The following LRRTM4 variants were observed in gnomAD, a reference collection of about 807,000 sequenced individuals.
The protein encoded by LRRTM4 is leucine rich repeat transmembrane neuronal 4, also known as leucine-rich repeat transmembrane neuronal protein 4.
LRRTM4 carries 25 observed loss-of-function variants against 47.6 expected under a neutral mutation model. The ratio of observed to expected loss-of-function variants is 0.53; its 90% CI spans 0.38 to 0.73. The LOEUF is 0.73. LRRTM4 is among the 30% of genes least tolerant of loss of function. The pLI, the probability that LRRTM4 is intolerant of heterozygous loss-of-function variation, is 0.00. For synonymous variants in LRRTM4, 311 were observed against 269.5 expected (o/e 1.15, Z -1.51); for missense variants, 638 against 713.4 (o/e 0.89, Z 1.20).
chr2:77,117,827 A>T (rs1247034613), intron 3 of LRRTM4, among the ~76,000 whole-genome samples: 1 of 151,878 alleles, frequency 6.6e-6, no homozygotes. Flanking sequence ...GACCTGCTCT[A>T]GGTGCTGGAG....
At chr2:76,749,003 C>G in intron 3 of LRRTM4, 87 bp from the exon 4 acceptor site, 1 of 1,056,282 alleles carries the variant, frequency 9.5e-7, no homozygotes, top group African/African-American at 1.6e-5. Context: ...TTTTTGTTCT[C>G]TTTCATGCTG....
rs1573410829 is a variant in LRRTM4 at position 77,435,540 on chromosome 2, A to G, written c.1551+82778T>C. Among the ~76,000 whole-genome samples, 3 of 152,238 alleles carry G rather than the reference A, an allele frequency of 2.0e-5. No homozygotes were observed. In the South Asian group the frequency reaches 6.2e-4, roughly 32 times the overall value. ...TGATAACATTAAAAATAAACCCAAC[A>G]TTTGTTTAAAGGTCATGCAAAGTCA... is the stretch of plus-strand genomic sequence containing the variant. On this transcript the variant is annotated intron_variant, in intron 3 of 3. Coordinates refer to ENST00000409884, the MANE Select transcript of LRRTM4 (RefSeq NM_001134745.3).
At chr2:76,778,976 G>A (rs1340885602) in intron 3 of LRRTM4, among the ~76,000 whole-genome samples, 1 of 147,962 alleles carries the variant, frequency 6.8e-6, no homozygotes, top group African/African-American at 2.5e-5. Flanking sequence ...GTTTTCGTTG[G>A]TTTCAAAGAA....
intron 3 of LRRTM4, among the ~76,000 whole-genome samples, chr2:77,075,133 G>A (rs980511017): frequency 2.6e-5 from 4 of 152,100 alleles, no homozygotes; most frequent in Admixed American, 6.5e-5. Flanking sequence ...TAATATGTGA[G>A]CTGTTTCTGC....
intron 3 of LRRTM4, among the ~76,000 whole-genome samples, chr2:77,313,649 T>C (rs558439764): frequency 7.2e-4 from 109 of 152,294 alleles, no homozygotes; most frequent in Non-Finnish European, 1.2e-3. Flanking sequence ...ATAGCACATA[T>C]TATCCCTCTT....
intron 3 of LRRTM4, among the ~76,000 whole-genome samples, chr2:77,234,538 A>G (rs2103976870): frequency 6.6e-6 from 1 of 152,306 alleles, no homozygotes; most frequent in East Asian, 1.9e-4. Context: ...ATTTACAAAT[A>G]TTGTAATTAT....
chr2:76,911,556 T>G (rs1674056478), intron 3 of LRRTM4, among the ~76,000 whole-genome samples: 1 of 152,186 alleles, frequency 6.6e-6, no homozygotes, highest in South Asian at 2.1e-4. Context: ...TATGAATTAC[T>G]GTGTCCTTGA....
chr2:76,871,028 A>T (rs189083062), intron 3 of LRRTM4, among the ~76,000 whole-genome samples: 1 of 152,288 alleles, frequency 6.6e-6, no homozygotes, highest in Non-Finnish European at 1.5e-5. Context: ...AGACAACACA[A>T]TTAGGTTGCA....
intron 3 of LRRTM4, among the ~76,000 whole-genome samples, chr2:77,018,194 A>T (rs565814095): frequency 2.4e-4 from 31 of 129,120 alleles, no homozygotes; most frequent in African/African-American, 9.0e-4. Context: ...CCAAAGAAAA[A>T]TTTTTTTTGT....
At chr2:77,175,652 A>G (rs1476232553) in intron 3 of LRRTM4, among the ~76,000 whole-genome samples, 1 of 152,124 alleles carries the variant, frequency 6.6e-6, no homozygotes, top group Non-Finnish European at 1.5e-5. Context: ...TGGATTACCA[A>G]AAAATACCAT....
chr2:77,045,555 G>C (rs914622073), intron 3 of LRRTM4, among the ~76,000 whole-genome samples: 1 of 151,884 alleles, frequency 6.6e-6, no homozygotes, highest in Non-Finnish European at 1.5e-5. Flanking sequence ...GGAGGTAATT[G>C]AATCGTGAGG....
chr2:77,433,085 G>T (rs1292246364), intron 3 of LRRTM4, among the ~76,000 whole-genome samples: 1 of 152,172 alleles, frequency 6.6e-6, no homozygotes, highest in East Asian at 1.9e-4. Flanking sequence ...ACAATCTACA[G>T]CTTTTAGACA....
intron 3 of LRRTM4, among the ~76,000 whole-genome samples, chr2:77,464,398 C>T (rs1676904275): frequency 6.6e-6 from 1 of 151,912 alleles, no homozygotes; most frequent in African/African-American, 2.4e-5. Context: ...TTTAAATAGT[C>T]ACATTAAAAA....
intron 3 of LRRTM4, among the ~76,000 whole-genome samples, chr2:76,807,425 CATATATATATACGTATAT>C (rs1221913708): frequency 1.1e-4 from 11 of 98,052 alleles, no homozygotes; most frequent in South Asian, 6.0e-4. Context: ...TATATATATA[CATATATATATACGTATAT>C]ACATATATAT....
At chr2:76,877,807 A>G (rs965019624) in intron 3 of LRRTM4, among the ~76,000 whole-genome samples, 5 of 152,156 alleles carry the variant, frequency 3.3e-5, no homozygotes, top group African/African-American at 1.2e-4. Context: ...CAGGGATGAA[A>G]AAGTCAGAGG....
intron 3 of LRRTM4, among the ~76,000 whole-genome samples, chr2:77,130,497 A>G (rs1442524509): frequency 6.6e-6 from 1 of 151,682 alleles, no homozygotes; most frequent in African/African-American, 2.4e-5. Flanking sequence ...GACATATACT[A>G]TAATAAATAA....
chr2:77,200,361 T>TC (rs1673939618), intron 3 of LRRTM4, among the ~76,000 whole-genome samples: 2 of 152,126 alleles, frequency 1.3e-5, no homozygotes, highest in Non-Finnish European at 2.9e-5. Flanking sequence ...GATATAGACA[T>TC]CAGTTGACAA....
intron 3 of LRRTM4, among the ~76,000 whole-genome samples, chr2:77,388,101 A>G (rs1284234288): frequency 6.6e-6 from 1 of 151,958 alleles, no homozygotes; most frequent in Non-Finnish European, 1.5e-5. Context: ...AGTGTGATGC[A>G]GGACTGAGGA....
At chr2:77,312,662 C>A (rs1677490355) in intron 3 of LRRTM4, among the ~76,000 whole-genome samples, 1 of 152,082 alleles carries the variant, frequency 6.6e-6, no homozygotes, top group African/African-American at 2.4e-5. Flanking sequence ...ACACACTCTT[C>A]CATTTTCAAA....
Sources: allele counts gnomAD v4.1 joint callset (sites outside exome capture counted in the v4.1 genomes callset), GRCh38; gene constraint gnomAD v4.1.1; transcripts MANE v1.5; gene names NCBI Gene and HGNC (gene_info 2026-07-23, HGNC 2026-07-21).